The following GGA2 variants were observed in gnomAD, a reference collection of about 807,000 sequenced individuals.
The protein encoded by GGA2 is ADP-ribosylation factor-binding protein GGA2.
Under a neutral mutation model 79.5 loss-of-function variants are expected in GGA2, and 48 were observed. The ratio of observed to expected loss-of-function variants is 0.60; its 90% confidence interval spans 0.48 to 0.77. The LOEUF (loss-of-function observed/expected upper bound fraction) is 0.77. Among genes scored for constraint, GGA2 ranks in the 30% least tolerant of loss-of-function variants. The pLI is 0.00. For synonymous variants in GGA2, 317 were observed against 302.0 expected (o/e 1.05, Z -0.51); for missense variants, 770 against 774.0 (o/e 0.99, Z 0.06).
rs1964438275 is a variant in GGA2, at chr16:23,466,432, G to A, written c.*1158C>T. On this transcript the variant is annotated 3_prime_UTR_variant, in exon 17 of 17. Transcript: ENST00000309859. ...AATATCCACCTCTCCTGTCCAGCTT[G>A]CCTCAGATCTTCAGGTTCTCTCTTC... 1 of 152,184 alleles carries A rather than the reference G, an allele frequency of 6.6e-6. No homozygotes were observed. The highest frequency in any genetic ancestry group is 1.5e-5 in the Non-Finnish European group (1 of 68,046). The allele number at this position is 152,184 out of a possible 1,614,324, so 9.4% of individuals were successfully genotyped here.
chr16:23,477,733 C>T (rs959478882), intron 13 of GGA2, among the ~76,000 whole-genome samples: 2 of 151,968 alleles, frequency 1.3e-5, no homozygotes, highest in Non-Finnish European at 2.9e-5. Context: ...GGCGACAGAG[C>T]GAGACTCCAT....
At chr16:23,471,472 A>G (rs1185058461) in intron 14 of GGA2, among the ~76,000 whole-genome samples, 3 of 152,204 alleles carry the variant, frequency 2.0e-5, no homozygotes, top group Non-Finnish European at 4.4e-5. Flanking sequence ...GACATAAACA[A>G]AACGTGTGGA....
intron 4 of GGA2, among the ~76,000 whole-genome samples, 172 bp downstream of exon 4, chr16:23,493,188 T>A (rs1222681261): frequency 6.6e-6 from 1 of 152,006 alleles, no homozygotes; most frequent in East Asian, 1.9e-4. Flanking sequence ...GGGGCAGGGG[T>A]CAGCTAATGA....
rs1431930518 is a variant in GGA2 at position 23,479,807 on chromosome 16, TC to T, written c.1086del (p.Thr363LeufsTer69). 15 of 1,614,036 alleles carry T rather than the reference TC, an allele frequency of 9.3e-6. No homozygotes were observed. The highest frequency in any genetic ancestry group is 1.3e-5 in the Non-Finnish European group (15 of 1,179,954). ...LEVDNGPAQM[G>X]TVVPSLLHQD... is the part of the protein sequence containing the mutation. ...TGATGAAGCAAAGATGGCACCACAG[TC>T]CCCATCTGCGCAGGTCCATTGTCCA... On this transcript the variant is annotated frameshift_variant, in exon 11 of 17. Transcript: ENST00000309859. LOFTEE classifies it high-confidence loss of function.
rs1965027361 is a variant in GGA2 at position 23,510,416 on chromosome 16, C to G, written c.-5G>C. ...CGCCACCGCGGTCGCCGCCATCGCTCCAGCCCCGACGCTGCGGCCGCGGGC... is the reference window on the plus strand; with the variant it reads ...CGCCACCGCGGTCGCCGCCATCGCTGCAGCCCCGACGCTGCGGCCGCGGGC... On this transcript the variant is annotated 5_prime_UTR_variant, in exon 1 of 17. Transcript: ENST00000309859. 2 of 1,239,156 alleles carry G rather than the reference C, an allele frequency of 1.6e-6. No homozygotes were observed. Among genetic ancestry groups the G allele is most frequent in the Non-Finnish European group, 2.1e-6 (2 of 958,942 alleles). 76.8% of individuals were successfully genotyped at this position (1,239,156 alleles called of 1,614,324 possible).
chr16:23,503,586 T>C (rs1260534018), intron 1 of GGA2, among the ~76,000 whole-genome samples: 1 of 152,204 alleles, frequency 6.6e-6, no homozygotes, highest in African/African-American at 2.4e-5. Flanking sequence ...TACGATGAGT[T>C]TATTATCTAT....
In GGA2 at chr16:23,495,921, T is replaced by C. The variant is rs1159365074; in HGVS notation, c.92-143A>G. 4 of 543,528 alleles carry C rather than the reference T, an allele frequency of 7.4e-6. No homozygotes were observed. The East Asian group carries it at 1.2e-4, about 16-fold the overall frequency. 33.7% of individuals were successfully genotyped at this position (543,528 alleles called of 1,614,324 possible). On this transcript the variant is annotated intron_variant, in intron 1 of 16. Coordinates refer to ENST00000309859, the MANE Select transcript of GGA2 (RefSeq NM_015044.4). The stretch of plus-strand genomic sequence containing the variant: ...CAGACAGCTGGAAGGAGAGGAATTG[T>C]GCCTGCGCTGCCTACCACCACCCAG...
intron 3 of GGA2, 181 bp downstream of exon 3, chr16:23,494,122 A>G: frequency 1.7e-6 from 1 of 603,440 alleles, no homozygotes; most frequent in Non-Finnish European, 3.0e-6. Context: ...CAGACGAGAA[A>G]CAGGAGGAAG....
At chr16:23,473,702 T>C (rs1208032997) in intron 14 of GGA2, among the ~76,000 whole-genome samples, 1 of 152,186 alleles carries the variant, frequency 6.6e-6, no homozygotes, top group Non-Finnish European at 1.5e-5. Flanking sequence ...TTAAAGTTTG[T>C]TTTGTAATAA....
chr16:23,497,972 G>A (rs774839162), intron 1 of GGA2, among the ~76,000 whole-genome samples: 1 of 152,210 alleles, frequency 6.6e-6, no homozygotes, highest in South Asian at 2.1e-4. Flanking sequence ...AATCTCCACA[G>A]AAATTTTTAA....
chr16:23,509,758 A>ACG (rs1555501262), intron 1 of GGA2, among the ~76,000 whole-genome samples: 1 of 150,340 alleles, frequency 6.7e-6, no homozygotes, highest in Non-Finnish European at 1.5e-5. Flanking sequence ...ATATATATAT[A>ACG]CGCACACACA....
intron 9 of GGA2, 93 bp from the exon 10 acceptor site, chr16:23,480,863 C>T: frequency 8.2e-7 from 1 of 1,224,398 alleles, no homozygotes; most frequent in East Asian, 2.4e-5. Flanking sequence ...CTTCATATGG[C>T]TAGACTATGT....
In GGA2 at chr16:23,465,590, T is replaced by C. The variant is rs1448705480; in HGVS notation, c.*2000A>G. 2 of 605,572 alleles carry C rather than the reference T, an allele frequency of 3.3e-6. No individual in the cohort carries two copies. Among genetic ancestry groups the C allele is most frequent in the Non-Finnish European group, 5.9e-6 (2 of 338,864 alleles). 37.5% of individuals were successfully genotyped at this position (605,572 alleles called of 1,614,324 possible). ...TTGACCAAAACCCTTCAGAGGGAGA[T>C]GCTGTCATTATGATGGGTACCTCTT... On this transcript the variant is annotated 3_prime_UTR_variant, in exon 17 of 17. Transcript: ENST00000309859.
intron 1 of GGA2, among the ~76,000 whole-genome samples, chr16:23,508,958 G>A (rs1965005506): frequency 6.6e-6 from 1 of 152,024 alleles, no homozygotes; most frequent in Non-Finnish European, 1.5e-5. Flanking sequence ...CCAAGGCACC[G>A]AGGCTGCTGA....
At chr16:23,493,893 A>C (rs1056665408) in intron 3 of GGA2, 3 of 283,048 alleles carry the variant, frequency 1.1e-5, no homozygotes, top group South Asian at 9.4e-5. Context: ...TCAACACTGC[A>C]AATTAGTCAC....
rs545592232 is a variant in GGA2 at position 23,520,013 on chromosome 16, G to A, written c.9-374C>T. On this transcript the variant is annotated intron_variant, in intron 1 of 5. Transcript: ENST00000569300. ...TGTAATCCCAGCCCTTTGGGAGGCCGAGGCAGGCGGATCACCTGAGGTCGG... is the reference window on the plus strand; with the variant it reads ...TGTAATCCCAGCCCTTTGGGAGGCCAAGGCAGGCGGATCACCTGAGGTCGG... Among the ~76,000 whole-genome samples, 11 of 152,296 alleles carry A rather than the reference G, an allele frequency of 7.2e-5. No homozygotes were observed. In the East Asian group the frequency reaches 1.5e-3, roughly 21 times the overall value.
rs1314779176 is a variant in GGA2, at chr16:23,467,057, T to G, written c.*533A>C. ...AACACACACAAGAAGCATTGTCTAA[T>G]GAAAATGGAGACAAGGTCTTTCTTG... On this transcript the variant is annotated 3_prime_UTR_variant, in exon 17 of 17. Transcript: ENST00000309859. 1 of 155,644 alleles carries G rather than the reference T, an allele frequency of 6.4e-6. No individual in the cohort carries two copies. Among genetic ancestry groups the G allele is most frequent in the Non-Finnish European group, 1.4e-5 (1 of 69,986 alleles). The allele number at this position is 155,644 out of a possible 1,614,324, so 9.6% of individuals were successfully genotyped here.
rs1227651291 is a variant in GGA2, at chr16:23,521,266, A to T, written c.8+527T>A. ...TTGCAAAACTGAAACTCTATACCCT[A>T]AACAGTAACTTCCCATTTCTGCCTC... On this transcript the variant is annotated intron_variant, in intron 1 of 5. Transcript: ENST00000569300. Among the ~76,000 whole-genome samples, 5 of 152,260 alleles carry T rather than the reference A, an allele frequency of 3.3e-5. No homozygotes were observed. The East Asian group carries it at 9.6e-4, about 29-fold the overall frequency.
chr16:23,488,495 G>T, intron 6 of GGA2, 111 bp downstream of exon 6: 1 of 745,534 alleles, frequency 1.3e-6, no homozygotes. Context: ...GTCTGGAGAG[G>T]AGAACCCATG....
Sources: allele counts gnomAD v4.1 joint callset (sites outside exome capture counted in the v4.1 genomes callset), GRCh38; gene constraint gnomAD v4.1.1; transcripts MANE v1.5; gene names NCBI Gene and HGNC (gene_info 2026-07-23, HGNC 2026-07-21).